The following COG4 variants were observed in gnomAD, a reference collection of about 807,000 sequenced individuals.
COG4 encodes the protein conserved oligomeric Golgi complex subunit 4.
A neutral mutation model predicts 95.1 loss-of-function variants in COG4; 65 were observed. The observed-to-expected ratio is 0.68, with a 90% CI of 0.56 to 0.84. The LOEUF (loss-of-function observed/expected upper bound fraction) is 0.84. COG4 is among the 40% of genes least tolerant of loss of function. The pLI is 0.00. For synonymous variants in COG4, 421 were observed against 374.8 expected (o/e 1.12, Z -1.42); for missense variants, 1,045 against 989.1 (o/e 1.06, Z -0.76).
At position 70,514,363 on chromosome 16, in the gene COG4, G is replaced by A; in HGVS notation, c.516C>T (p.Val172=). ...CTTTGCCCTGTCGGCTGAGCTCAATGACCGACTTGTCCAGGCACAAGTAGC... is the reference window on the plus strand; with the variant it reads ...CTTTGCCCTGTCGGCTGAGCTCAATAACCGACTTGTCCAGGCACAAGTAGC... ...THRYLCLDKS[V]IELSRQGKEG... is the part of the protein sequence containing the mutation. The change falls in exon 4 of 19, where the codon GTC becomes GTT. Residue 172 remains valine (V), a synonymous_variant. Transcript: ENST00000323786. 6.2e-7 allele frequency: 1 copy of A among 1,614,170 alleles called. No homozygotes were observed. The highest frequency in any genetic ancestry group is 1.1e-5 in the South Asian group (1 of 91,072).
In COG4 at chr16:70,500,991, C is replaced by T. The variant is rs1440598852; in HGVS notation, c.1162G>A (p.Gly388Arg). 1.2e-6 allele frequency: 2 copies of T among 1,614,098 alleles called. No individual in the cohort carries two copies. The highest frequency in any genetic ancestry group is 8.5e-7 in the Non-Finnish European group (1 of 1,180,028). Reference protein sequence around the residue: ...KKRISSDFEVGDSMASEEVKQ... With the variant: ...KKRISSDFEVRDSMASEEVKQ... ...ACTTCCTCTGAGGCCATGGAGTCTCCCACCTCAAAATCAGAGCTAATCCTC... is the reference window on the plus strand; with the variant it reads ...ACTTCCTCTGAGGCCATGGAGTCTCTCACCTCAAAATCAGAGCTAATCCTC... Residue 388 changes from glycine to arginine, a missense_variant, in exon 9 of 19, where the codon GGA becomes AGA. Transcript: ENST00000323786.
chr16:70,499,683 C>G (rs975287592), intron 9 of COG4, among the ~76,000 whole-genome samples: 3 of 152,102 alleles, frequency 2.0e-5, no homozygotes, highest in Non-Finnish European at 4.4e-5. Flanking sequence ...ATTTTTGAGA[C>G]AGAGTCTCGC....
chr16:70,502,557 C>T (rs559426566), intron 8 of COG4, among the ~76,000 whole-genome samples: 7 of 151,240 alleles, frequency 4.6e-5, no homozygotes, highest in African/African-American at 1.2e-4. Flanking sequence ...GCTGAGATCA[C>T]GCCATTGCAC....
chr16:70,513,849 G>A (rs559668636), intron 4 of COG4, among the ~76,000 whole-genome samples: 108 of 152,316 alleles, frequency 7.1e-4, no homozygotes, highest in African/African-American at 2.4e-3. Flanking sequence ...ACACATAGGG[G>A]AGACTGCTTT....
At chr16:70,500,313 G>T (rs974348761) in intron 9 of COG4, among the ~76,000 whole-genome samples, 1 of 151,184 alleles carries the variant, frequency 6.6e-6, no homozygotes, top group Non-Finnish European at 1.5e-5. Flanking sequence ...AATTGTGACT[G>T]GGGGAACTGG....
chr16:70,512,507 C>G, intron 4 of COG4, 75 bp from the exon 5 acceptor site: 2 of 1,228,524 alleles, frequency 1.6e-6, no homozygotes. Context: ...TTGTGTAATA[C>G]TATTCATCCA....
intron 3 of COG4, 87 bp downstream of exon 3, chr16:70,517,539 C>G: frequency 1.3e-6 from 1 of 764,374 alleles, no homozygotes; most frequent in Non-Finnish European, 2.1e-6. Context: ...AGTGAGCTGT[C>G]ATTGTACCAC....
intron 10 of COG4, 28 bp downstream of exon 10, chr16:70,497,909 T>C: frequency 2.2e-6 from 3 of 1,339,644 alleles, no homozygotes; most frequent in Non-Finnish European, 2.2e-6. Context: ...GGAAGCCCCA[T>C]TTCCAAGAGA....
At position 70,496,429 on chromosome 16, in the gene COG4, T is replaced by C. The variant is rs1044924146; in HGVS notation, c.1484A>G (p.Asp495Gly). 3.1e-6 allele frequency: 5 copies of C among 1,614,060 alleles called. No homozygotes were observed. In the South Asian group the frequency reaches 4.4e-5, roughly 14 times the overall value. ...ATTELESDFR[D>G]VLCNKLRMGF... Reference sequence around the variant, plus strand: ...CATCCGCAGCTTATTACACAGAACATCCCTGGGGGGCAGGATTGCATAGAG... The same window carrying C: ...CATCCGCAGCTTATTACACAGAACACCCCTGGGGGGCAGGATTGCATAGAG... Residue 495 changes from aspartate (D) to glycine (G), a missense_variant and splice_region_variant, in exon 12 of 19, where the codon GAT becomes GGT. Physicochemically the swap from Asp to Gly is moderately conservative, Grantham distance 94. Transcript: ENST00000323786.
intron 2 of COG4, among the ~76,000 whole-genome samples, chr16:70,518,686 G>A (rs2049874368): frequency 6.6e-6 from 1 of 152,014 alleles, no homozygotes; most frequent in African/African-American, 2.4e-5. Context: ...CTGTAAAAAT[G>A]GTGGTTCTCG....
chr16:70,517,778 G>A, intron 2 of COG4, 38 bp from the exon 3 acceptor site: 2 of 1,422,410 alleles, frequency 1.4e-6, no homozygotes, highest in Non-Finnish European at 2.0e-6. Context: ...ATAACGATAG[G>A]GCAGAGAAGA....
At chr16:70,485,967 T>C (rs1351762377) in intron 13 of COG4, among the ~76,000 whole-genome samples, 8 of 148,512 alleles carry the variant, frequency 5.4e-5, no homozygotes, top group Admixed American at 6.8e-5. Context: ...TTGATCTCGG[T>C]TCACTGCAAG....
intron 4 of COG4, among the ~76,000 whole-genome samples, chr16:70,514,064 G>C (rs1286824691): frequency 6.6e-6 from 1 of 152,130 alleles, no homozygotes; most frequent in East Asian, 1.9e-4. Context: ...AAAAACATTA[G>C]TGAGGTGTGG....
chr16:70,517,270 C>T (rs1350723288), intron 3 of COG4, among the ~76,000 whole-genome samples: 1 of 152,004 alleles, frequency 6.6e-6, no homozygotes, highest in East Asian at 1.9e-4. Context: ...GTGGTTCACA[C>T]CTGTAATCCC....
chr16:70,509,567 A>G (rs181384892), intron 6 of COG4, among the ~76,000 whole-genome samples, 179 bp from the exon 7 acceptor site: 1 of 152,332 alleles, frequency 6.6e-6, no homozygotes, highest in Admixed American at 6.5e-5. Context: ...TTAAATATGT[A>G]CAGTGCTTGG....
At chr16:70,523,255 G>C (rs866598359) in intron 1 of COG4, 118 bp downstream of exon 1, 4 of 1,306,984 alleles carry the variant, frequency 3.1e-6, no homozygotes, top group African/African-American at 1.5e-5. Flanking sequence ...CCGCTTCTTT[G>C]TTTTCCCGCT....
chr16:70,501,224 T>G, intron 8 of COG4, 133 bp from the exon 9 acceptor site: 1 of 918,256 alleles, frequency 1.1e-6, no homozygotes. Flanking sequence ...ATGGCCCTCC[T>G]AGCTCTGCTG....
chr16:70,508,866 G>T (rs961068374), intron 7 of COG4: 8 of 533,374 alleles, frequency 1.5e-5, no homozygotes, highest in Admixed American at 4.6e-5. Flanking sequence ...AGGAATGAAG[G>T]GGAAATTGGA....
chr16:70,487,894 G>A (rs949325782), intron 13 of COG4, among the ~76,000 whole-genome samples: 23 of 151,932 alleles, frequency 1.5e-4, no homozygotes, highest in African/African-American at 4.6e-4. Flanking sequence ...GCACGATCTC[G>A]GCTTGCTGCA....
Sources: allele counts gnomAD v4.1 joint callset (sites outside exome capture counted in the v4.1 genomes callset), GRCh38; gene constraint gnomAD v4.1.1; transcripts MANE v1.5; gene names NCBI Gene and HGNC (gene_info 2026-07-23, HGNC 2026-07-21).